ANKDD1B: variants seen among roughly 807,000 people sequenced by gnomAD.
The protein encoded by ANKDD1B is ankyrin repeat and death domain-containing protein 1B.
A neutral mutation model predicts 59.7 loss-of-function variants in ANKDD1B; 57 were observed. That is an observed-to-expected ratio of 0.95 (90% CI 0.77 to 1.19). ANKDD1B has a LOEUF of 1.19. Among genes scored for constraint, ANKDD1B ranks in the 50% most tolerant of loss-of-function variants. The pLI is 0.00. For synonymous variants in ANKDD1B, 216 were observed against 239.5 expected, an observed-to-expected ratio of 0.90 and a Z score of 0.91; for missense variants, 602 against 641.9, an observed-to-expected ratio of 0.94 and a Z score of 0.67.
chr5:75,620,228 A>T, intron 2 of ANKDD1B, 87 bp from the exon 3 acceptor site: 1 of 620,848 alleles, frequency 1.6e-6, no homozygotes. Context: ...AACACTTGAT[A>T]GAAAAGTGTG....
At chr5:75,659,838 AT>A (rs1430460894) in intron 10 of ANKDD1B, among the ~76,000 whole-genome samples, 5 of 152,110 alleles carry the variant, frequency 3.3e-5, no homozygotes, top group African/African-American at 1.2e-4. Flanking sequence ...TTAGACACTG[AT>A]GGCATACCTA....
Position 75,656,120 on chromosome 5 carries a change from T to G in ANKDD1B, c.989T>G (p.Leu330Ter). 1 of 1,496,810 alleles carries G rather than the reference T, an allele frequency of 6.7e-7. No individual in the cohort carries two copies. The allele number at this position is 1,496,810 out of a possible 1,614,324, so 92.7% of individuals were successfully genotyped here. The change falls in exon 9 of 14, where the codon TTA becomes TGA. Residue 330 changes from leucine (L) to a stop codon, truncating the protein, a stop_gained. Coordinates refer to ENST00000601380, the MANE Select transcript of ANKDD1B (RefSeq NM_001276713.2). LOFTEE classifies it high-confidence loss of function. ...LLSAQHDIDI[L>*]NQKQQTPLHV... ...AGTGCACAGCATGATATTGACATCT[T>G]AAATCAGGTAAGCCAGGCAAATCAG...
intron 13 of ANKDD1B, among the ~76,000 whole-genome samples, chr5:75,670,349 A>G (rs756576712): frequency 9.2e-5 from 14 of 152,256 alleles, no homozygotes; most frequent in Non-Finnish European, 1.6e-4. Flanking sequence ...CAAAATATGG[A>G]AATTCTTGAT....
chr5:75,630,729 T>C (rs1774129124), intron 5 of ANKDD1B, among the ~76,000 whole-genome samples: 1 of 152,210 alleles, frequency 6.6e-6, no homozygotes, highest in Non-Finnish European at 1.5e-5. Flanking sequence ...AAGAAGGTAA[T>C]TTATTAACTT....
At position 75,618,635 on chromosome 5, in the gene ANKDD1B, A is replaced by G. The variant is rs371898196; in HGVS notation, c.298-1680A>G. 1.3e-4 allele frequency among the ~76,000 whole-genome samples: 20 copies of G among 152,354 alleles called. No individual in the cohort carries two copies. In the East Asian group the frequency reaches 3.5e-3, roughly 26 times the overall value. ...TATCTTGGGTGCAATTTTGGCTTAC[A>G]TCCTTATTCACAAGTAAAATTAATA... On this transcript the variant is annotated intron_variant, in intron 2 of 13. Transcript: ENST00000601380.
rs918926984 is a variant in ANKDD1B, at chr5:75,670,991, A to C, written c.1538A>C (p.His513Pro). Residue 513 changes from histidine (H) to proline (P), a missense_variant, in exon 14 of 14, where the codon CAT becomes CCT. Physicochemically the swap from His to Pro is moderately conservative, Grantham distance 77. This residue lies in a region of ANKDD1B where 280 missense variants were observed against 319.8 expected (regional missense o/e 0.88). Transcript: ENST00000601380. ...TTATTTTTTCCAGAAAAGACTCGTC[A>C]TTTCAAAAGCAAAACTGACTCAAAC... ...GFPKLAEKTR[H>P]FKSKTDSNSK... The C allele has an allele frequency of 9.8e-6, 12 of 1,228,152 alleles. No individual in the cohort carries two copies. The South Asian group carries it at 4.9e-4, about 51-fold the overall frequency. 76.1% of individuals were successfully genotyped at this position (1,228,152 alleles called of 1,614,324 possible).
rs181883614 is a variant in ANKDD1B at position 75,671,071 on chromosome 5, T to C, written c.*31T>C. Reference sequence around the variant, plus strand: ...TAAAGAAATTGTATTTACATGATTTTCCACTCAGCATTCAGTTCTTTTAAT... The same window carrying C: ...TAAAGAAATTGTATTTACATGATTTCCCACTCAGCATTCAGTTCTTTTAAT... On this transcript the variant is annotated 3_prime_UTR_variant, in exon 14 of 14. Coordinates refer to ENST00000601380, the MANE Select transcript of ANKDD1B (RefSeq NM_001276713.2). The C allele has an allele frequency of 4.6e-6, 5 of 1,088,416 alleles. No individual in the cohort carries two copies. The highest frequency in any genetic ancestry group is 4.3e-5 in the Admixed American group (1 of 23,508). The allele number at this position is 1,088,416 out of a possible 1,614,324, so 67.4% of individuals were successfully genotyped here.
At chr5:75,640,447 A>G (rs1561440644) in intron 7 of ANKDD1B, among the ~76,000 whole-genome samples, 1 of 152,236 alleles carries the variant, frequency 6.6e-6, no homozygotes. Context: ...GCCAAAGCAT[A>G]TAGTCTTGGC....
intron 7 of ANKDD1B, among the ~76,000 whole-genome samples, chr5:75,636,580 G>T (rs1451747412): frequency 2.0e-5 from 3 of 152,174 alleles, no homozygotes; most frequent in African/African-American, 7.2e-5. Flanking sequence ...AAAGGGATGG[G>T]ATTCATCTTA....
chr5:75,664,785 C>G (rs1775263047), intron 11 of ANKDD1B, among the ~76,000 whole-genome samples: 2 of 152,198 alleles, frequency 1.3e-5, no homozygotes, highest in African/African-American at 4.8e-5. Flanking sequence ...ACTTTGAAAA[C>G]CATATATAAA....
intron 5 of ANKDD1B, among the ~76,000 whole-genome samples, chr5:75,628,410 T>G (rs901905893): frequency 5.3e-5 from 8 of 152,100 alleles, no homozygotes; most frequent in Non-Finnish European, 1.0e-4. Flanking sequence ...AAAAAAATTG[T>G]GGGGGGAAAT....
rs1774010221 is a variant in ANKDD1B at position 75,626,876 on chromosome 5, A to G, written c.600+921A>G. Among the ~76,000 whole-genome samples, 3 of 151,982 alleles carry G rather than the reference A, an allele frequency of 2.0e-5. No individual in the cohort carries two copies. In the South Asian group the frequency reaches 6.2e-4, roughly 31 times the overall value. ...ATTTCTCAGCAGTAGAATATACTTC[A>G]TGAATGGGATTTCCTTTTCTCTGTG... On this transcript the variant is annotated intron_variant, in intron 5 of 13. Transcript: ENST00000601380.
intron 1 of ANKDD1B, among the ~76,000 whole-genome samples, chr5:75,615,540 C>A (rs1226164093): frequency 6.6e-6 from 1 of 152,106 alleles, no homozygotes; most frequent in Non-Finnish European, 1.5e-5. Context: ...AAACCACAGA[C>A]AATTATTTTC....
chr5:75,641,035 G>A (rs984241529), intron 7 of ANKDD1B, among the ~76,000 whole-genome samples: 1 of 152,046 alleles, frequency 6.6e-6, no homozygotes, highest in Non-Finnish European at 1.5e-5. Context: ...CAGAGAAGAC[G>A]CTGAAAAAAA....
chr5:75,620,158 C>T (rs72633977), intron 2 of ANKDD1B, among the ~76,000 whole-genome samples, 157 bp from the exon 3 acceptor site: 15,757 of 152,194 alleles, frequency 0.1, 978 homozygotes, highest in East Asian at 0.21. Flanking sequence ...TTCGGCTGGA[C>T]ACAATTCTCA....
At chr5:75,657,121 A>G (rs1774999007) in intron 9 of ANKDD1B, among the ~76,000 whole-genome samples, 1 of 152,232 alleles carries the variant, frequency 6.6e-6, no homozygotes, top group African/African-American at 2.4e-5. Flanking sequence ...CTACGTTAAT[A>G]TCTAAAATCT....
rs1775464898 is a variant in ANKDD1B, at chr5:75,671,008, G to A, written c.1555G>A (p.Asp519Asn). Reference sequence around the variant, plus strand: ...GACTCGTCATTTCAAAAGCAAAACTGACTCAAACTCCAAGAAATGTGTAGT... The same window carrying A: ...GACTCGTCATTTCAAAAGCAAAACTAACTCAAACTCCAAGAAATGTGTAGT... ...EKTRHFKSKTDSNSKKCVVS is the reference protein window; with the variant it reads ...EKTRHFKSKTNSNSKKCVVS The change falls in exon 14 of 14, where the codon GAC becomes AAC. Residue 519 changes from aspartate (D) to asparagine (N), a missense_variant. Asp to Asn is a conservative substitution (Grantham distance 23). Transcript: ENST00000601380. 1.6e-6 allele frequency: 2 copies of A among 1,230,058 alleles called. No homozygotes were observed. The highest frequency in any genetic ancestry group is 3.2e-5 in the East Asian group (1 of 31,652). 76.2% of individuals were successfully genotyped at this position (1,230,058 alleles called of 1,614,324 possible).
intron 5 of ANKDD1B, among the ~76,000 whole-genome samples, chr5:75,631,475 G>T (rs545028990): frequency 6.6e-6 from 1 of 152,324 alleles, no homozygotes; most frequent in African/African-American, 2.4e-5. Context: ...TTCTCTGAGT[G>T]CAGTGACTCT....
intron 13 of ANKDD1B, among the ~76,000 whole-genome samples, chr5:75,670,617 C>T (rs1353062733): frequency 2.0e-5 from 3 of 152,178 alleles, no homozygotes; most frequent in Admixed American, 1.3e-4. Flanking sequence ...GAAGTGCTGG[C>T]AGTGAGCTGC....
Sources: allele counts gnomAD v4.1 joint callset (sites outside exome capture counted in the v4.1 genomes callset), GRCh38; gene constraint gnomAD v4.1.1; regional missense constraint gnomAD v4.1.1; transcripts MANE v1.5; gene names NCBI Gene and HGNC (gene_info 2026-07-23, HGNC 2026-07-21).